Variants in DGKB observed in about 807,000 individuals in gnomAD.
DGKB encodes 90 kDa diacylglycerol kinase.
In DGKB, 67 loss-of-function variants were observed where a neutral mutation model predicts 114.3. The observed-to-expected ratio is 0.59, with a 90% CI of 0.48 to 0.72. The LOEUF (loss-of-function observed/expected upper bound fraction) is 0.72, where lower values mean the gene tolerates loss of function less well. Among genes scored for constraint, DGKB ranks in the 30% least tolerant of loss-of-function variants. The pLI is 0.00. For missense variants in DGKB, 907 were observed against 975.2 expected (o/e 0.93, Z 0.93); for synonymous variants, 398 against 323.1 (o/e 1.23, Z -2.49).
intron 1 of DGKB, among the ~76,000 whole-genome samples, chr7:14,959,953 G>C (rs1304385771): frequency 2.0e-5 from 3 of 151,940 alleles, no homozygotes; most frequent in Admixed American, 1.3e-4. Context: ...ATTCAATCAT[G>C]AGGGAAAACA....
chr7:14,556,099 G>A (rs977958761), intron 20 of DGKB, among the ~76,000 whole-genome samples: 1 of 152,062 alleles, frequency 6.6e-6, no homozygotes, highest in Non-Finnish European at 1.5e-5. Context: ...GGTCTGGATT[G>A]GGACTCCTTT....
At chr7:14,345,596 GTTGATC>G (rs1267561201) in intron 21 of DGKB, among the ~76,000 whole-genome samples, 5 of 151,670 alleles carry the variant, frequency 3.3e-5, no homozygotes, top group African/African-American at 1.2e-4. Flanking sequence ...ATAAGAATGT[GTTGATC>G]TAGCAGACTC....
chr7:14,691,861 T>C (rs913790178), intron 9 of DGKB, among the ~76,000 whole-genome samples: 15 of 151,820 alleles, frequency 9.9e-5, no homozygotes, highest in Admixed American at 8.6e-4. Context: ...ACAGCTCTGA[T>C]AGCTATAATA....
intron 14 of DGKB, among the ~76,000 whole-genome samples, chr7:14,623,177 T>G (rs1807956111): frequency 6.6e-6 from 1 of 152,218 alleles, no homozygotes; most frequent in Non-Finnish European, 1.5e-5. Flanking sequence ...TGAGAAGGAT[T>G]CTTAGGGATT....
chr7:14,194,944 T>G (rs1784812251), intron 23 of DGKB, among the ~76,000 whole-genome samples: 1 of 151,550 alleles, frequency 6.6e-6, no homozygotes, highest in Admixed American at 6.6e-5. Context: ...CACTGTGTTA[T>G]AGTGTACTTG....
intron 4 of DGKB, among the ~76,000 whole-genome samples, chr7:14,746,738 A>C (rs1334426635): frequency 6.6e-6 from 1 of 152,132 alleles, no homozygotes; most frequent in Non-Finnish European, 1.5e-5. Flanking sequence ...ACCTCAGGTG[A>C]TCCATCTGCC....
intron 13 of DGKB, among the ~76,000 whole-genome samples, chr7:14,651,137 A>C (rs936658088): frequency 2.1e-4 from 32 of 152,272 alleles, no homozygotes; most frequent in Non-Finnish European, 4.0e-4. Context: ...ATCCTCCCTA[A>C]CTCATTTGAT....
At chr7:14,546,166 CAAGG>C (rs1217932579) in intron 20 of DGKB, among the ~76,000 whole-genome samples, 2 of 152,078 alleles carry the variant, frequency 1.3e-5, no homozygotes, top group Non-Finnish European at 2.9e-5. Context: ...TTCACATCAC[CAAGG>C]AAAATTCCTT....
intron 23 of DGKB, among the ~76,000 whole-genome samples, chr7:14,216,983 C>G (rs982586966): frequency 5.9e-5 from 9 of 151,968 alleles, no homozygotes; most frequent in Admixed American, 1.3e-4. Context: ...GAAAAATGTA[C>G]AAATATATAG....
At chr7:14,261,394 G>T (rs1329206887) in intron 23 of DGKB, among the ~76,000 whole-genome samples, 5 of 152,006 alleles carry the variant, frequency 3.3e-5, no homozygotes, top group Admixed American at 3.3e-4. Flanking sequence ...CTAAGTGTTG[G>T]CATAGATCAT....
chr7:14,810,943 T>C (rs1237175054), intron 2 of DGKB, among the ~76,000 whole-genome samples: 5 of 152,168 alleles, frequency 3.3e-5, no homozygotes, highest in Non-Finnish European at 7.4e-5. Context: ...ATGTTCATTT[T>C]ATATTTATGG....
At chr7:14,762,916 G>A (rs1055230945) in intron 2 of DGKB, among the ~76,000 whole-genome samples, 1 of 152,050 alleles carries the variant, frequency 6.6e-6, no homozygotes, top group African/African-American at 2.4e-5. Context: ...ATAAATCCTT[G>A]TTCCTTTATT....
chr7:14,934,336 G>A (rs1785173639), intron 1 of DGKB, among the ~76,000 whole-genome samples: 1 of 151,994 alleles, frequency 6.6e-6, no homozygotes, highest in African/African-American at 2.4e-5. Context: ...TTGTGTTGAT[G>A]GTCTAAATAA....
chr7:14,281,762 T>A (rs1244852159), intron 23 of DGKB, among the ~76,000 whole-genome samples: 2 of 152,094 alleles, frequency 1.3e-5, no homozygotes, highest in African/African-American at 2.4e-5. Context: ...TGAATGACTG[T>A]TGGGTACATA....
intron 23 of DGKB, among the ~76,000 whole-genome samples, chr7:14,212,579 A>G (rs75178774): frequency 0.033 from 5,082 of 152,138 alleles, 110 homozygotes; most frequent in Non-Finnish European, 0.055. Flanking sequence ...TTTTCCTTAG[A>G]AATTCTCATT....
At chr7:14,266,561 T>C (rs985898897) in intron 23 of DGKB, among the ~76,000 whole-genome samples, 18 of 152,228 alleles carry the variant, frequency 1.2e-4, no homozygotes, top group African/African-American at 4.3e-4. Flanking sequence ...ATTTTTGCTG[T>C]TACAGGTAAA....
At chr7:14,675,672 G>A (rs960634005) in intron 12 of DGKB, among the ~76,000 whole-genome samples, 6 of 151,736 alleles carry the variant, frequency 4.0e-5, no homozygotes, top group South Asian at 2.1e-4. Flanking sequence ...CTAGGCGGTC[G>A]TAAGGCACTC....
chr7:14,534,477 G>A (rs1278015094), intron 20 of DGKB, among the ~76,000 whole-genome samples: 2 of 152,018 alleles, frequency 1.3e-5, no homozygotes, highest in African/African-American at 4.8e-5. Context: ...AAATGTAAAT[G>A]AATTAAACGG....
chr7:14,359,892 G>A (rs149344656), intron 21 of DGKB, among the ~76,000 whole-genome samples: 3,835 of 152,202 alleles, frequency 0.025, 64 homozygotes, highest in Non-Finnish European at 0.039. Flanking sequence ...CAACTCTTGT[G>A]GAAGACAGTG....
Sources: gnomAD v4.1 joint callset for allele counts (sites outside exome capture counted in the v4.1 genomes callset) on GRCh38, gnomAD v4.1.1 for gene constraint, MANE v1.5 for transcripts, NCBI Gene and HGNC (gene_info 2026-07-23, HGNC 2026-07-21) for gene names.